SPECC1: variants seen among roughly 807,000 people sequenced by gnomAD.
The protein encoded by SPECC1 is cytospin-B.
A neutral mutation model predicts 104.1 loss-of-function variants in SPECC1; 62 were observed. That is an observed-to-expected ratio of 0.60 (90% CI 0.49 to 0.74). The LOEUF (loss-of-function observed/expected upper bound fraction) is 0.74, where lower values mean the gene tolerates loss of function less well. Among genes scored for constraint, SPECC1 ranks in the 30% least tolerant of loss-of-function variants. SPECC1 has a pLI of 0.00. For missense variants in SPECC1, 1,306 were observed against 1,310.5 expected, an observed-to-expected ratio of 1.00 and a Z score of 0.05; for synonymous variants, 513 against 501.6, an observed-to-expected ratio of 1.02 and a Z score of -0.30.
At chr17:20,075,761 C>T (rs952586660) in intron 1 of SPECC1, among the ~76,000 whole-genome samples, 5 of 152,078 alleles carry the variant, frequency 3.3e-5, no homozygotes, top group Non-Finnish European at 7.4e-5. Flanking sequence ...GCCTGGGCAG[C>T]ATAGTGATAC....
Position 20,232,187 on chromosome 17 carries a change from C to T in SPECC1, c.2146-13C>T. On this transcript the variant is annotated splice_polypyrimidine_tract_variant and intron_variant, in intron 6 of 14. Coordinates refer to ENST00000395527, the MANE Select transcript of SPECC1 (RefSeq NM_001243439.2). ...CAGGCGTCTGACATAAGGATGGGCT[C>T]TGACATTTTCAGGAGGAGACCGAGG... is the stretch of plus-strand genomic sequence containing the variant. 1 of 1,613,662 alleles carries T rather than the reference C, an allele frequency of 6.2e-7. No individual in the cohort carries two copies.
intron 1 of SPECC1, among the ~76,000 whole-genome samples, chr17:20,038,736 T>A (rs1361294759): frequency 4.6e-5 from 7 of 152,216 alleles, no homozygotes; most frequent in Admixed American, 3.9e-4. Context: ...CCTTAAGAAA[T>A]TTTTAAAAAT....
intron 4 of SPECC1, among the ~76,000 whole-genome samples, chr17:20,216,889 T>C (rs1436273289): frequency 6.6e-6 from 1 of 152,052 alleles, no homozygotes; most frequent in Non-Finnish European, 1.5e-5. Flanking sequence ...TCAGACATGT[T>C]GGGTGGTCTC....
At chr17:20,300,408 T>C (rs1185934129) in intron 13 of SPECC1, among the ~76,000 whole-genome samples, 1 of 152,154 alleles carries the variant, frequency 6.6e-6, no homozygotes, top group East Asian at 1.9e-4. Flanking sequence ...ACTGAGGAAA[T>C]AGTGGGCATA....
chr17:20,221,832 T>G (rs1439872532), intron 4 of SPECC1, among the ~76,000 whole-genome samples: 1 of 152,170 alleles, frequency 6.6e-6, no homozygotes, highest in Non-Finnish European at 1.5e-5. Flanking sequence ...TTTGGTATGT[T>G]GTGTTTCCAT....
chr17:20,105,771 G>A (rs1465678042), intron 2 of SPECC1, among the ~76,000 whole-genome samples: 1 of 152,202 alleles, frequency 6.6e-6, no homozygotes. Flanking sequence ...GTCTTGTGTT[G>A]CCTCCAGCTG....
intron 1 of SPECC1, among the ~76,000 whole-genome samples, chr17:20,080,658 G>C (rs2046934475): frequency 6.6e-6 from 1 of 152,036 alleles, no homozygotes; most frequent in Admixed American, 6.6e-5. Flanking sequence ...TTGAGTCTAG[G>C]AGCTTGAGGG....
At chr17:20,103,852 A>G (rs1315169486) in intron 2 of SPECC1, among the ~76,000 whole-genome samples, 3 of 152,200 alleles carry the variant, frequency 2.0e-5, no homozygotes, top group Admixed American at 1.3e-4. Flanking sequence ...TTTACAGCTA[A>G]CATACTAGGT....
In SPECC1 at chr17:20,111,850, C is replaced by T. The variant is rs868056611; in HGVS notation, c.283+1288C>T. On this transcript the variant is annotated intron_variant, in intron 3 of 14. Coordinates refer to ENST00000395527, the MANE Select transcript of SPECC1 (RefSeq NM_001243439.2). The stretch of plus-strand genomic sequence containing the variant: ...TGAGGTGGGTGGCCCTGTTCCTGAA[C>T]GGCAGCCCCAAGAAGGGAAAGGTGG... 28 of 839,792 alleles carry T rather than the reference C, an allele frequency of 3.3e-5. No homozygotes were observed. In the African/African-American group the frequency reaches 3.5e-4, roughly 10 times the overall value. 52.0% of individuals were successfully genotyped at this position (839,792 alleles called of 1,614,324 possible). A position where few individuals can be genotyped will look rare whatever the true frequency, so the allele number is the denominator to read the frequency against.
chr17:20,214,682 A>G (rs1184944750), intron 4 of SPECC1, among the ~76,000 whole-genome samples: 3 of 151,970 alleles, frequency 2.0e-5, no homozygotes, highest in African/African-American at 4.8e-5. Context: ...TAACTTTCCT[A>G]TTTTTAGTAG....
chr17:20,269,080 A>G (rs2040312218), intron 12 of SPECC1, among the ~76,000 whole-genome samples: 1 of 152,218 alleles, frequency 6.6e-6, no homozygotes, highest in South Asian at 2.1e-4. Context: ...ATTCCTTGGG[A>G]ATTTTGGAAA....
At chr17:20,291,265 C>T (rs1383526042) in intron 12 of SPECC1, among the ~76,000 whole-genome samples, 1 of 152,206 alleles carries the variant, frequency 6.6e-6, no homozygotes, top group East Asian at 1.9e-4. Context: ...CCACCCTCAG[C>T]CTTTCCTTTC....
chr17:20,150,281 C>T (rs912684723), intron 3 of SPECC1, among the ~76,000 whole-genome samples: 3 of 151,524 alleles, frequency 2.0e-5, no homozygotes, highest in African/African-American at 7.3e-5. Context: ...CTGTGCCCGG[C>T]CTTTTTTCTT....
At chr17:20,063,037 T>C (rs2046244544) in intron 1 of SPECC1, among the ~76,000 whole-genome samples, 1 of 152,124 alleles carries the variant, frequency 6.6e-6, no homozygotes, top group South Asian at 2.1e-4. Flanking sequence ...AGAGTAAATA[T>C]GAAGTCACTC....
At chr17:20,077,096 T>C (rs1414794071) in intron 1 of SPECC1, among the ~76,000 whole-genome samples, 1 of 152,224 alleles carries the variant, frequency 6.6e-6, no homozygotes, top group Non-Finnish European at 1.5e-5. Flanking sequence ...TGTTTACCTC[T>C]TTAAAATTTT....
intron 3 of SPECC1, among the ~76,000 whole-genome samples, chr17:20,153,445 T>A (rs1186632894): frequency 6.6e-6 from 1 of 152,214 alleles, no homozygotes; most frequent in African/African-American, 2.4e-5. Flanking sequence ...GCATTTTTGA[T>A]AATTCAGGTG....
In SPECC1 at chr17:20,314,021, G is replaced by A. The variant is rs2041999548; in HGVS notation, c.3163G>A (p.Val1055Met). The A allele has an allele frequency of 6.2e-7, 1 of 1,614,112 alleles. No individual in the cohort carries two copies. Among genetic ancestry groups the A allele is most frequent in the Non-Finnish European group, 8.5e-7 (1 of 1,180,046 alleles). The stretch of plus-strand genomic sequence containing the variant: ...CACAGACCGGCCCGACTGGCAGAGT[G>A]TGATGCAGTACGTGGCCCAAATCTA... ...LYTDRPDWQS[V>M]MQYVAQIYKY... The change falls in exon 15 of 15, where the codon GTG becomes ATG. Residue 1055 changes from valine to methionine, a missense_variant. By Grantham distance (21) the Val-to-Met change is conservative. Around this residue, in one of 2 missense-constraint regions of SPECC1, gnomAD observed 129 missense variants for 170.6 expected, o/e 0.76. Coordinates refer to ENST00000395527, the MANE Select transcript of SPECC1 (RefSeq NM_001243439.2).
intron 1 of SPECC1, among the ~76,000 whole-genome samples, chr17:20,069,322 T>C (rs1386461766): frequency 2.0e-5 from 3 of 152,204 alleles, no homozygotes; most frequent in African/African-American, 7.2e-5. Context: ...TTCATTTTCT[T>C]GATAGTATCT....
At chr17:20,216,822 G>A (rs1411361852) in intron 4 of SPECC1, among the ~76,000 whole-genome samples, 2 of 152,098 alleles carry the variant, frequency 1.3e-5, no homozygotes, top group Non-Finnish European at 2.9e-5. Flanking sequence ...CACATTGCTG[G>A]GTGTCTAAGA....
Sources: allele counts gnomAD v4.1 joint callset (sites outside exome capture counted in the v4.1 genomes callset), GRCh38; gene constraint gnomAD v4.1.1; regional missense constraint gnomAD v4.1.1; transcripts MANE v1.5; gene names NCBI Gene and HGNC (gene_info 2026-07-23, HGNC 2026-07-21).